MTUS2: variants seen among roughly 807,000 people sequenced by gnomAD.
MTUS2 encodes microtubule associated scaffold protein 2, also known as microtubule-associated tumor suppressor candidate 2.
MTUS2 carries 40 observed loss-of-function variants against 114.1 expected under a neutral mutation model. That is an observed-to-expected ratio of 0.35 (90% CI 0.27 to 0.46). The LOEUF (loss-of-function observed/expected upper bound fraction) is 0.46. MTUS2 is among the 20% of genes least tolerant of loss of function. The pLI, the probability that MTUS2 is intolerant of heterozygous loss-of-function variation, is 1.00. For missense variants in MTUS2, 1,679 were observed against 1,705.4 expected (o/e 0.98, Z 0.27); for synonymous variants, 688 against 672.0 (o/e 1.02, Z -0.37).
intron 2 of MTUS2, among the ~76,000 whole-genome samples, chr13:28,844,839 G>A (rs927459436): frequency 1.9e-4 from 29 of 152,244 alleles, no homozygotes; most frequent in South Asian, 6.2e-4. Flanking sequence ...GGGTGGTCTC[G>A]AACTCGAGCT....
chr13:28,950,307 GT>G (rs1370433051), intron 2 of MTUS2, among the ~76,000 whole-genome samples: 2 of 152,250 alleles, frequency 1.3e-5, no homozygotes, highest in East Asian at 3.9e-4. Context: ...GTTTTTGTTT[GT>G]TGTTGAGCTG....
chr13:29,450,045 T>G (rs1348585517), intron 9 of MTUS2, among the ~76,000 whole-genome samples: 1 of 152,120 alleles, frequency 6.6e-6, no homozygotes, highest in African/African-American at 2.4e-5. Context: ...CCGACCACGG[T>G]GCAGTGTGAC....
chr13:29,262,185 TC>T (rs549862351), intron 5 of MTUS2, among the ~76,000 whole-genome samples: 473 of 152,372 alleles, frequency 3.1e-3, no homozygotes, highest in African/African-American at 0.011. Context: ...TTTGCCTTCT[TC>T]GTTAAGCAGC....
chr13:29,056,611 TC>T (rs1291646652), intron 4 of MTUS2, among the ~76,000 whole-genome samples: 3 of 151,892 alleles, frequency 2.0e-5, no homozygotes, highest in African/African-American at 7.2e-5. Flanking sequence ...ATCTAGGTTT[TC>T]TAGTTTGTAA....
chr13:29,024,967 C>G lies in MTUS2; in HGVS notation c.269C>G (p.Ala90Gly). ...QLQGFGKGSQ[A>G]GSASLKDFRL... The stretch of plus-strand genomic sequence containing the variant: ...CAGGGCTTTGGGAAAGGCTCTCAGG[C>G]TGGCTCTGCCAGCCTGAAAGATTTT... The change falls in exon 3 of 16, where the codon GCT (alanine) becomes GGT (glycine). Residue 90 changes from alanine to glycine, a missense_variant. Ala to Gly is a moderately conservative substitution (Grantham distance 60). Coordinates refer to ENST00000612955, the MANE Select transcript of MTUS2 (RefSeq NM_001033602.4). The G allele has an allele frequency of 1.9e-6, 3 of 1,612,868 alleles. No homozygotes were observed. Among genetic ancestry groups the G allele is most frequent in the Non-Finnish European group, 2.5e-6 (3 of 1,179,598 alleles).
intron 2 of MTUS2, among the ~76,000 whole-genome samples, chr13:28,931,575 T>G (rs1881618133): frequency 6.6e-6 from 1 of 152,134 alleles, no homozygotes; most frequent in Non-Finnish European, 1.5e-5. Flanking sequence ...GAACTGTGAG[T>G]CAATTAAACC....
intron 9 of MTUS2, among the ~76,000 whole-genome samples, chr13:29,461,540 G>C (rs1879495486): frequency 6.6e-6 from 1 of 152,182 alleles, no homozygotes; most frequent in Admixed American, 6.5e-5. Flanking sequence ...TCAACAGAAA[G>C]CAGTTGGAAT....
intron 5 of MTUS2, among the ~76,000 whole-genome samples, chr13:29,233,762 A>T (rs191921492): frequency 5.8e-4 from 89 of 152,326 alleles, no homozygotes; most frequent in Admixed American, 5.4e-3. Context: ...TCACCTGGAG[A>T]TTGACAGGAA....
intron 9 of MTUS2, among the ~76,000 whole-genome samples, chr13:29,453,144 T>C (rs754605668): frequency 9.2e-5 from 14 of 152,290 alleles, no homozygotes; most frequent in Non-Finnish European, 1.9e-4. Flanking sequence ...TTGTAAGATC[T>C]AAATTGGTGT....
chr13:28,895,287 G>T (rs1488693076), intron 2 of MTUS2, among the ~76,000 whole-genome samples: 1 of 152,142 alleles, frequency 6.6e-6, no homozygotes, highest in Non-Finnish European at 1.5e-5. Flanking sequence ...GCATTTTATT[G>T]TACTAGGCTG....
chr13:28,976,203 C>CAAAAAAAAAAAAAAAA (rs71090215), intron 2 of MTUS2, among the ~76,000 whole-genome samples: 9 of 90,132 alleles, frequency 1.0e-4, no homozygotes, highest in Middle Eastern at 6.6e-3. Context: ...GACCTTGTCT[C>CAAAAAAAAAAAAAAAA]AAAAAAAAAA....
intron 7 of MTUS2, among the ~76,000 whole-genome samples, chr13:29,336,534 C>G (rs1901072710): frequency 6.6e-6 from 1 of 152,086 alleles, no homozygotes; most frequent in African/African-American, 2.4e-5. Context: ...GAAAGGGCAC[C>G]CGCCGGACGC....
intron 4 of MTUS2, among the ~76,000 whole-genome samples, chr13:29,069,452 T>G (rs1310216402): frequency 1.3e-5 from 2 of 152,236 alleles, no homozygotes; most frequent in Non-Finnish European, 2.9e-5. Context: ...AATTGGATGG[T>G]ACCCACCCAC....
At chr13:29,287,839 T>C (rs940393863) in intron 6 of MTUS2, among the ~76,000 whole-genome samples, 5 of 152,202 alleles carry the variant, frequency 3.3e-5, no homozygotes, top group Non-Finnish European at 5.9e-5. Flanking sequence ...GTTCTGGAGA[T>C]GTGCAGATGA....
chr13:29,214,905 C>A (rs1394111274), intron 5 of MTUS2, among the ~76,000 whole-genome samples: 1 of 152,052 alleles, frequency 6.6e-6, no homozygotes, highest in Non-Finnish European at 1.5e-5. Flanking sequence ...GAATATTGGC[C>A]TGTATTGCTA....
At chr13:29,135,636 T>C (rs999619142) in intron 5 of MTUS2, among the ~76,000 whole-genome samples, 1 of 152,176 alleles carries the variant, frequency 6.6e-6, no homozygotes, top group African/African-American at 2.4e-5. Context: ...CTTCTTTGTG[T>C]TTAGGTGATT....
At chr13:28,934,264 T>C (rs1457031830) in intron 2 of MTUS2, among the ~76,000 whole-genome samples, 31 of 152,240 alleles carry the variant, frequency 2.0e-4, no homozygotes, top group Admixed American at 2.0e-3. Context: ...ATCCCTACTA[T>C]TGCATTGGGT....
chr13:29,016,094 G>T (rs572686033), intron 2 of MTUS2, among the ~76,000 whole-genome samples: 2 of 151,922 alleles, frequency 1.3e-5, no homozygotes, highest in African/African-American at 4.8e-5. Context: ...TAGTAGAGAC[G>T]GGGTTTCACC....
At chr13:28,847,857 A>G (rs1186719160) in intron 2 of MTUS2, among the ~76,000 whole-genome samples, 11 of 152,140 alleles carry the variant, frequency 7.2e-5, no homozygotes, top group Non-Finnish European at 2.9e-5. Flanking sequence ...CTGGGCGCCA[A>G]CGTTATGCAA....
Sources: allele counts gnomAD v4.1 joint callset (sites outside exome capture counted in the v4.1 genomes callset), GRCh38; gene constraint gnomAD v4.1.1; transcripts MANE v1.5; gene names NCBI Gene and HGNC (gene_info 2026-07-23, HGNC 2026-07-21).